The following PREX1 variants were observed in gnomAD, a reference collection of about 807,000 sequenced individuals.
PREX1 encodes the protein phosphatidylinositol 3,4,5-trisphosphate-dependent Rac exchanger 1 protein.
PREX1 carries 41 observed loss-of-function variants against 198.3 expected under a neutral mutation model. The ratio of observed to expected loss-of-function variants is 0.21; its 90% CI spans 0.16 to 0.27. PREX1 has a LOEUF of 0.27. Ranked by LOEUF, PREX1 falls within the 10% of genes least tolerant of loss-of-function variation. The pLI is 1.00. For missense variants in PREX1, 1,620 were observed against 2,200.7 expected (o/e 0.74, Z 5.28); for synonymous variants, 843 against 887.2 (o/e 0.95, Z 0.89).
intron 1 of PREX1, among the ~76,000 whole-genome samples, chr20:48,757,414 T>C (rs1036353473): frequency 2.0e-5 from 3 of 152,206 alleles, no homozygotes; most frequent in South Asian, 2.1e-4. Context: ...AGGTGACTGA[T>C]GGTCAGCATG....
intron 7 of PREX1, among the ~76,000 whole-genome samples, chr20:48,696,608 CATACATACAT>C (rs1379757433): frequency 2.1e-5 from 1 of 46,928 alleles, no homozygotes; most frequent in Non-Finnish European, 3.5e-5. Flanking sequence ...CACACACACA[CATACATACAT>C]ACATACATAC....
In PREX1 at chr20:48,636,613, G is replaced by C. The variant is rs138468239; in HGVS notation, c.4017C>G (p.Ser1339=). The change falls in exon 32 of 40, where the codon TCC becomes TCG. Residue 1339 remains serine, a synonymous_variant. Coordinates refer to ENST00000371941, the MANE Select transcript of PREX1 (RefSeq NM_020820.4). ...AGCCCAGGGCCGCCAGCAGCTGCTT[G>C]GAGAAGGTGCACACGGCGGCCACCA... ...QALVAAVCTF[S]KQLLAALGYR... 6.2e-7 allele frequency: 1 copy of C among 1,611,600 alleles called. No homozygotes were observed. The highest frequency in any genetic ancestry group is 8.5e-7 in the Non-Finnish European group (1 of 1,179,534).
At chr20:48,630,925 C>T (rs2089309289) in intron 35 of PREX1, 131 bp from the exon 36 acceptor site, 21 of 695,380 alleles carry the variant, frequency 3.0e-5, no homozygotes, top group South Asian at 5.1e-5. Flanking sequence ...TCCCTGAGAG[C>T]GCCTGCAGGC....
chr20:48,866,943 G>A, the PREX1 span, among the ~76,000 whole-genome samples: 1 of 152,022 alleles, frequency 6.6e-6, no homozygotes, highest in Non-Finnish European at 1.5e-5. Flanking sequence ...AAAAAGAATC[G>A]CTTGCTCTTC....
chr20:48,821,312 G>T (rs1359509647), intron 1 of PREX1, among the ~76,000 whole-genome samples: 1 of 152,184 alleles, frequency 6.6e-6, no homozygotes, highest in Non-Finnish European at 1.5e-5. Flanking sequence ...CTAACAAACT[G>T]AGTGGCTACT....
chr20:48,804,066 T>C (rs796066869), intron 1 of PREX1, among the ~76,000 whole-genome samples: 63 of 152,298 alleles, frequency 4.1e-4, no homozygotes, highest in African/African-American at 4.3e-4. Context: ...ACACACACCA[T>C]TGTTTGAGTC....
At chr20:48,726,504 A>T in intron 4 of PREX1, 113 bp from the exon 5 acceptor site, 2 of 755,554 alleles carry the variant, frequency 2.6e-6, no homozygotes, top group Non-Finnish European at 4.5e-6. Flanking sequence ...TTGGCAAGCG[A>T]TTTAGCGACC....
intron 1 of PREX1, among the ~76,000 whole-genome samples, chr20:48,826,167 A>C (rs118075914): frequency 6.2e-4 from 94 of 151,632 alleles, no homozygotes; most frequent in Non-Finnish European, 1.2e-3. Context: ...AGGAGCTACA[A>C]AGCCTGGCTC....
rs755431475 is a variant in PREX1, at chr20:48,649,289, C to A, written c.3305+11G>T. 1 of 1,608,376 alleles carries A rather than the reference C, an allele frequency of 6.2e-7. No homozygotes were observed. The highest frequency in any genetic ancestry group is 2.2e-5 in the East Asian group (1 of 44,788). On this transcript the variant is annotated intron_variant, in intron 25 of 39. Transcript: ENST00000371941. Reference sequence around the variant, plus strand: ...CCCTGCTCACGCCGGACACCCCCGGCCAGCGCTCACCTGTTGATCTGGGTG... The same window carrying A: ...CCCTGCTCACGCCGGACACCCCCGGACAGCGCTCACCTGTTGATCTGGGTG...
intron 7 of PREX1, among the ~76,000 whole-genome samples, chr20:48,694,519 G>A (rs1317252456): frequency 1.4e-4 from 22 of 152,218 alleles, no homozygotes; most frequent in Admixed American, 1.3e-3. Context: ...CATACATCAG[G>A]TCAGAGGTAC....
chr20:48,637,881 C>G (rs2089377616), intron 30 of PREX1, 129 bp from the exon 31 acceptor site: 4 of 742,984 alleles, frequency 5.4e-6, no homozygotes, highest in Non-Finnish European at 4.4e-6. Context: ...GCCCTGGCAC[C>G]CAAGGCTGTG....
chr20:48,772,956 C>T (rs1406719296), intron 1 of PREX1, among the ~76,000 whole-genome samples: 1 of 152,160 alleles, frequency 6.6e-6, no homozygotes, highest in Non-Finnish European at 1.5e-5. Flanking sequence ...TACCAGCACA[C>T]AGTAGGTGCT....
intron 1 of PREX1, among the ~76,000 whole-genome samples, chr20:48,783,273 T>C (rs1188443056): frequency 6.6e-6 from 1 of 152,064 alleles, no homozygotes; most frequent in African/African-American, 2.4e-5. Context: ...ACAATGAGAC[T>C]GGCCACTGGA....
intron 6 of PREX1, among the ~76,000 whole-genome samples, chr20:48,706,715 G>A (rs551743022): frequency 2.0e-5 from 3 of 152,288 alleles, no homozygotes; most frequent in African/African-American, 4.8e-5. Flanking sequence ...GAGAGTCTTC[G>A]AGGATGCATC....
chr20:48,810,985 G>C (rs2090431514), intron 1 of PREX1, among the ~76,000 whole-genome samples: 1 of 152,172 alleles, frequency 6.6e-6, no homozygotes, highest in Non-Finnish European at 1.5e-5. Flanking sequence ...ATGTTATGGA[G>C]GGGTGGAGAC....
intron 1 of PREX1, among the ~76,000 whole-genome samples, chr20:48,753,721 C>T (rs1218817857): frequency 6.6e-6 from 1 of 152,180 alleles, no homozygotes; most frequent in Non-Finnish European, 1.5e-5. Context: ...TTGAACACAC[C>T]AGGCCCCCAG....
At chr20:48,834,671 C>T in the PREX1 span, among the ~76,000 whole-genome samples, 1 of 152,108 alleles carries the variant, frequency 6.6e-6, no homozygotes, top group Non-Finnish European at 1.5e-5. Context: ...ACACTCCTCC[C>T]ATCTCCACCT....
At chr20:48,792,232 T>C (rs1018957595) in intron 1 of PREX1, among the ~76,000 whole-genome samples, 1 of 152,104 alleles carries the variant, frequency 6.6e-6, no homozygotes, top group African/African-American at 2.4e-5. Context: ...TCCCAGCACT[T>C]TGGGAGGCCA....
Position 48,629,548 on chromosome 20 carries a change from G to A in PREX1, c.4667C>T (p.Ala1556Val). The A allele has an allele frequency of 6.2e-7, 1 of 1,614,154 alleles. No homozygotes were observed. Among genetic ancestry groups the A allele is most frequent in the Middle Eastern group, 1.6e-4 (1 of 6,062 alleles). ...GAGGCCGGCGCCCACACTCCCAGCAGCACCAGGCTTTGGGTGGACAAAGGA... is the reference window on the plus strand; with the variant it reads ...GAGGCCGGCGCCCACACTCCCAGCAACACCAGGCTTTGGGTGGACAAAGGA... ...MKSFVHPKPG[A>V]AGSVGAGLIP... The change falls in exon 37 of 40, where the codon GCT becomes GTT. Residue 1556 changes from alanine (A) to valine (V), a missense_variant. Coordinates refer to ENST00000371941, the MANE Select transcript of PREX1 (RefSeq NM_020820.4).
Sources: gnomAD v4.1 joint callset for allele counts (sites outside exome capture counted in the v4.1 genomes callset) on GRCh38, gnomAD v4.1.1 for gene constraint, MANE v1.5 for transcripts, NCBI Gene and HGNC (gene_info 2026-07-23, HGNC 2026-07-21) for gene names.